EDDM13: variants seen among roughly 807,000 people sequenced by gnomAD.
EDDM13 encodes the protein epididymal protein 13.
A neutral mutation model predicts 17.8 loss-of-function variants in EDDM13; 24 were observed. The observed-to-expected ratio is 1.35, with a 90% CI of 0.98 to 1.90. EDDM13 has a LOEUF of 1.90. Among genes scored for constraint, EDDM13 ranks in the 40% most tolerant of loss-of-function variants. EDDM13 has a pLI of 0.00. For synonymous variants in EDDM13, 31 were observed against 37.5 expected, an observed-to-expected ratio of 0.83 and a Z score of 0.63; for missense variants, 97 against 100.8, an observed-to-expected ratio of 0.96 and a Z score of 0.16.
intron 14 of EDDM13, 123 bp from the exon 15 acceptor site, chr19:56,310,001 G>T (rs958556109): frequency 6.6e-6 from 1 of 152,414 alleles, no homozygotes; most frequent in Non-Finnish European, 1.5e-5. Context: ...GAGGGAGGAG[G>T]TGGGCTTGAG....
At chr19:56,302,889 T>C (rs913424354) in intron 13 of EDDM13, 2 of 398,374 alleles carry the variant, frequency 5.0e-6, no homozygotes, top group Non-Finnish European at 8.8e-6. Context: ...GGGACTCTGA[T>C]GGTTGAGCTA....
intron 2 of EDDM13, among the ~76,000 whole-genome samples, chr19:56,276,996 C>T (rs952825980): frequency 6.6e-6 from 1 of 152,004 alleles, no homozygotes; most frequent in African/African-American, 2.4e-5. Flanking sequence ...GATGCTCAAC[C>T]TCATTAGCCA....
At chr19:56,276,847 T>C (rs1160719503) in intron 2 of EDDM13, among the ~76,000 whole-genome samples, 1 of 152,110 alleles carries the variant, frequency 6.6e-6, no homozygotes, top group Non-Finnish European at 1.5e-5. Context: ...AAAGGTTATC[T>C]TTATTGATAT....
intron 9 of EDDM13, among the ~76,000 whole-genome samples, chr19:56,294,479 A>G (rs1453161761): frequency 2.6e-5 from 4 of 152,194 alleles, no homozygotes; most frequent in African/African-American, 9.7e-5. Flanking sequence ...TAAGGCAGGG[A>G]TCAATCAGCA....
intron 14 of EDDM13, among the ~76,000 whole-genome samples, chr19:56,308,083 G>C (rs1306722713): frequency 6.6e-6 from 1 of 152,246 alleles, no homozygotes; most frequent in Non-Finnish European, 1.5e-5. Flanking sequence ...CGCCAGGCTG[G>C]AGCGCAGTGG....
intron 8 of EDDM13, among the ~76,000 whole-genome samples, chr19:56,290,183 T>C (rs2039419570): frequency 6.6e-6 from 1 of 152,220 alleles, no homozygotes; most frequent in Non-Finnish European, 1.5e-5. Context: ...TTTCAAAAGG[T>C]TTCTCAGGTG....
intron 9 of EDDM13, among the ~76,000 whole-genome samples, chr19:56,292,225 T>A (rs2039556787): frequency 6.6e-6 from 1 of 152,200 alleles, no homozygotes; most frequent in Admixed American, 6.5e-5. Flanking sequence ...GTAACATACA[T>A]CTTTTAAAAA....
At chr19:56,285,999 A>G (rs1219010124) in intron 6 of EDDM13, among the ~76,000 whole-genome samples, 1 of 152,132 alleles carries the variant, frequency 6.6e-6, no homozygotes, top group African/African-American at 2.4e-5. Context: ...CCACACCTTC[A>G]GCAGCATGGG....
intron 2 of EDDM13, among the ~76,000 whole-genome samples, chr19:56,279,732 T>C (rs1024749749): frequency 1.3e-5 from 2 of 152,190 alleles, no homozygotes; most frequent in African/African-American, 4.8e-5. Context: ...AGCTAGCCTA[T>C]GTTAGTTCCT....
At chr19:56,285,057 T>A (rs1266717246) in intron 6 of EDDM13, 33 bp downstream of exon 6, 1 of 981,096 alleles carries the variant, frequency 1.0e-6, no homozygotes, top group African/African-American at 1.8e-5. Context: ...TTAAACCTGG[T>A]CTTTCTCTTG....
chr19:56,289,980 G>A (rs1052940718), intron 8 of EDDM13, among the ~76,000 whole-genome samples: 3 of 152,176 alleles, frequency 2.0e-5, no homozygotes, highest in Admixed American at 6.5e-5. Flanking sequence ...TGAAGAAAAC[G>A]AATACTGGAG....
At chr19:56,296,435 T>TG (rs562002153) in intron 11 of EDDM13, 73 bp downstream of exon 11, 160 of 152,194 alleles carry the variant, frequency 1.1e-3, no homozygotes, top group African/African-American at 3.8e-3. Flanking sequence ...TTTTCTATGG[T>TG]GGGGGGTCCC....
intron 13 of EDDM13, among the ~76,000 whole-genome samples, chr19:56,302,309 TCTCC>T (rs71976965): frequency 0.11 from 16,533 of 144,360 alleles, 1,128 homozygotes; most frequent in Middle Eastern, 0.23. Flanking sequence ...TTCCCTCTTT[TCTCC>T]CTCCCTCCCT....
intron 1 of EDDM13, among the ~76,000 whole-genome samples, chr19:56,274,083 A>G (rs1289965257): frequency 6.6e-6 from 1 of 152,170 alleles, no homozygotes; most frequent in Non-Finnish European, 1.5e-5. Flanking sequence ...GGGATAGAGA[A>G]GCATGCAGAA....
In EDDM13 at chr19:56,282,492, G is replaced by C; in HGVS notation, c.111G>C (p.Leu37Phe). 1 of 985,348 alleles carries C rather than the reference G, an allele frequency of 1.0e-6. No individual in the cohort carries two copies. Among genetic ancestry groups the C allele is most frequent in the Non-Finnish European group, 1.2e-6 (1 of 829,908 alleles). The allele number at this position is 985,348 out of a possible 1,614,324, so 61.0% of individuals were successfully genotyped here. A position where few individuals can be genotyped will look rare whatever the true frequency, so the allele number is the denominator to read the frequency against. ...REVATKEKIN[L>F]LKGIIGLMSR... is the part of the protein sequence containing the mutation. The stretch of plus-strand genomic sequence containing the variant: ...TTCCTGCTGCTTGTCTGCCAACAGT[G>C]CTGAAAGGTAAGCTTCTCATTCCAT... The change falls in exon 4 of 15, where the codon TTG becomes TTC. Residue 37 changes from leucine to phenylalanine, a missense_variant and splice_region_variant. Physicochemically the swap from Leu to Phe is conservative, Grantham distance 22. Coordinates refer to ENST00000649256, the MANE Select transcript of EDDM13 (RefSeq NM_001354658.2).
chr19:56,299,117 G>A (rs1400057846), intron 12 of EDDM13, among the ~76,000 whole-genome samples: 2 of 151,950 alleles, frequency 1.3e-5, no homozygotes, highest in African/African-American at 2.4e-5. Flanking sequence ...AAAGAATATG[G>A]TAAGATTTTA....
chr19:56,284,064 C>A (rs1248340872), intron 4 of EDDM13, 134 bp from the exon 5 acceptor site: 7 of 480,450 alleles, frequency 1.5e-5, no homozygotes, highest in African/African-American at 2.1e-5. Flanking sequence ...AATCTGTTCC[C>A]AGCCCCCAGC....
At chr19:56,291,120 C>A (rs1362112625) in intron 9 of EDDM13, among the ~76,000 whole-genome samples, 1 of 152,254 alleles carries the variant, frequency 6.6e-6, no homozygotes, top group South Asian at 2.1e-4. Context: ...CATATCACGT[C>A]CCCGAGCTCA....
chr19:56,291,437 G>A (rs900586048), intron 9 of EDDM13, among the ~76,000 whole-genome samples: 1 of 152,196 alleles, frequency 6.6e-6, no homozygotes, highest in African/African-American at 2.4e-5. Context: ...CCAGCCTATC[G>A]CATTAATCTG....
Sources: allele counts gnomAD v4.1 joint callset (sites outside exome capture counted in the v4.1 genomes callset), GRCh38; gene constraint gnomAD v4.1.1; transcripts MANE v1.5; gene names NCBI Gene and HGNC (gene_info 2026-07-23, HGNC 2026-07-21).